The following ADARB2 variants were observed in gnomAD, a reference collection of about 807,000 sequenced individuals.
ADARB2 encodes inactive double-stranded RNA-specific editase B2.
Under a neutral mutation model 62.2 loss-of-function variants are expected in ADARB2, and 25 were observed. The observed-to-expected ratio is 0.40, with a 90% confidence interval of 0.29 to 0.56. ADARB2 has a LOEUF of 0.56. ADARB2 is among the 20% of genes least tolerant of loss of function. The pLI is 0.43. For missense variants in ADARB2, 1,071 were observed against 1,077.4 expected (o/e 0.99, Z 0.08); for synonymous variants, 572 against 500.8 (o/e 1.14, Z -1.90).
chr10:1,368,991 C>G (rs548280065), intron 2 of ADARB2, among the ~76,000 whole-genome samples: 6 of 140,890 alleles, frequency 4.3e-5, no homozygotes, highest in African/African-American at 1.6e-4. Context: ...GCGCTCTGGG[C>G]TCTGAGGCTG....
intron 2 of ADARB2, among the ~76,000 whole-genome samples, chr10:1,377,553 G>A (rs138811815): frequency 1.7e-3 from 251 of 152,078 alleles, no homozygotes; most frequent in Non-Finnish European, 2.9e-3. Flanking sequence ...ACGTGCACAT[G>A]TCTGGTGTGT....
intron 1 of ADARB2, among the ~76,000 whole-genome samples, chr10:1,454,672 G>A (rs1302284783): frequency 1.3e-5 from 2 of 151,988 alleles, no homozygotes; most frequent in African/African-American, 4.8e-5. Context: ...CTGGGGCCGG[G>A]GAGGGTAACG....
At chr10:1,446,337 C>T (rs1256789977) in intron 1 of ADARB2, among the ~76,000 whole-genome samples, 1 of 152,156 alleles carries the variant, frequency 6.6e-6, no homozygotes, top group Non-Finnish European at 1.5e-5. Context: ...CACAAATCGT[C>T]ATAGTAAGAA....
Position 1,309,791 on chromosome 10 carries a change from A to T in ADARB2, c.1078-38722T>A, listed in dbSNP as rs1285216234. Among the ~76,000 whole-genome samples the T allele has an allele frequency of 2.0e-5, 3 of 152,226 alleles. No homozygotes were observed. The East Asian group carries it at 5.8e-4, about 29-fold the overall frequency. Reference sequence around the variant, plus strand: ...CTCTGGGGTGTGGCCCATCTCCCTCATGAAGCACTGCAACCTCTCCACTTC... The same window carrying T: ...CTCTGGGGTGTGGCCCATCTCCCTCTTGAAGCACTGCAACCTCTCCACTTC... On this transcript the variant is annotated intron_variant, in intron 3 of 9. Transcript: ENST00000381312.
At chr10:1,665,218 G>A (rs887021621) in intron 1 of ADARB2, among the ~76,000 whole-genome samples, 5 of 152,190 alleles carry the variant, frequency 3.3e-5, no homozygotes, top group Non-Finnish European at 5.9e-5. Flanking sequence ...CTGGCTCCCT[G>A]GCTTATTGCC....
At chr10:1,479,702 C>T (rs928889488) in intron 1 of ADARB2, among the ~76,000 whole-genome samples, 21 of 152,052 alleles carry the variant, frequency 1.4e-4, no homozygotes, top group Admixed American at 6.5e-4. Flanking sequence ...AACACCAGGC[C>T]GGAGGTCAAT....
At chr10:1,266,511 T>TGGGGGGGGGGGGGAGGG (rs782182369) in intron 4 of ADARB2, among the ~76,000 whole-genome samples, 1 of 128,442 alleles carries the variant, frequency 7.8e-6, no homozygotes, top group Non-Finnish European at 1.6e-5. Context: ...TGGTGGGGGG[T>TGGGGGGGGGGGGGAGGG]GGGGGGGGGG....
intron 1 of ADARB2, among the ~76,000 whole-genome samples, chr10:1,686,599 A>T (rs1485157685): frequency 1.3e-5 from 2 of 151,974 alleles, no homozygotes; most frequent in Non-Finnish European, 2.9e-5. Context: ...GGGACTGTGA[A>T]CCCGCTGGGC....
intron 1 of ADARB2, among the ~76,000 whole-genome samples, chr10:1,647,668 G>A (rs1433642895): frequency 1.3e-5 from 2 of 151,510 alleles, no homozygotes; most frequent in African/African-American, 4.9e-5. Context: ...GTATATATGT[G>A]TATGTGTGTA....
intron 1 of ADARB2, among the ~76,000 whole-genome samples, chr10:1,685,607 G>GTTAGGT (rs1416818908): frequency 3.3e-5 from 5 of 152,198 alleles, no homozygotes; most frequent in Non-Finnish European, 7.3e-5. Context: ...CAAAGCCATT[G>GTTAGGT]TTAGGTTTTT....
chr10:1,708,185 C>T (rs137917229), intron 1 of ADARB2, among the ~76,000 whole-genome samples: 374 of 152,270 alleles, frequency 2.5e-3, no homozygotes, highest in African/African-American at 8.4e-3. Context: ...TCTAGTTTAA[C>T]TCGTATCTTT....
chr10:1,425,679 A>T (rs960924229), intron 1 of ADARB2, among the ~76,000 whole-genome samples: 2 of 152,142 alleles, frequency 1.3e-5, no homozygotes, highest in African/African-American at 2.4e-5. Flanking sequence ...CAACCCATAA[A>T]AACCAGCTGT....
chr10:1,329,033 G>A (rs1831903815), intron 3 of ADARB2, among the ~76,000 whole-genome samples: 1 of 146,098 alleles, frequency 6.8e-6, no homozygotes, highest in Non-Finnish European at 1.5e-5. Context: ...CAGGTCTGCA[G>A]AAGTTAGTTG....
At chr10:1,207,930 G>A (rs898169858) in intron 7 of ADARB2, among the ~76,000 whole-genome samples, 1 of 152,230 alleles carries the variant, frequency 6.6e-6, no homozygotes, top group Admixed American at 6.5e-5. Flanking sequence ...GTTGGTGAGA[G>A]TCTAGCCTGG....
intron 1 of ADARB2, among the ~76,000 whole-genome samples, chr10:1,467,417 CCTT>C (rs1164085666): frequency 1.3e-5 from 2 of 152,184 alleles, no homozygotes; most frequent in African/African-American, 4.8e-5. Context: ...CTCCCCATCT[CCTT>C]CTCAGTTTCT....
intron 1 of ADARB2, among the ~76,000 whole-genome samples, chr10:1,656,383 A>G (rs939269944): frequency 6.6e-6 from 1 of 151,944 alleles, no homozygotes; most frequent in Non-Finnish European, 1.5e-5. Flanking sequence ...TTCTGCCATG[A>G]CTCCTAGCCC....
At chr10:1,316,211 C>A (rs527887966) in intron 3 of ADARB2, among the ~76,000 whole-genome samples, 2 of 152,316 alleles carry the variant, frequency 1.3e-5, no homozygotes, top group African/African-American at 4.8e-5. Context: ...GAGTTCATTT[C>A]CCCTTCCGAG....
At chr10:1,293,065 GGGGAGAGGA>G (rs1831485519) in intron 3 of ADARB2, 1 of 107,828 alleles carries the variant, frequency 9.3e-6, no homozygotes, top group African/African-American at 4.1e-5. Flanking sequence ...GAGGGAAAGG[GGGGAGAGGA>G]GGGAGAGAAA....
In ADARB2 at chr10:1,185,053, G is replaced by A; in HGVS notation, c.1865-14C>T. 1.9e-6 allele frequency: 3 copies of A among 1,605,334 alleles called. No individual in the cohort carries two copies. Among genetic ancestry groups the A allele is most frequent in the Non-Finnish European group, 1.7e-6 (2 of 1,175,270 alleles). On this transcript the variant is annotated splice_polypyrimidine_tract_variant and intron_variant, in intron 8 of 9. Coordinates refer to ENST00000381312, the MANE Select transcript of ADARB2 (RefSeq NM_018702.4). ...CGTCACTCACGCCTGTCGGGGAGAT[G>A]GGGAAAGGCGGGCGTTAATATTCCT...
Sources: allele counts gnomAD v4.1 joint callset (sites outside exome capture counted in the v4.1 genomes callset), GRCh38; gene constraint gnomAD v4.1.1; transcripts MANE v1.5; gene names NCBI Gene and HGNC (gene_info 2026-07-23, HGNC 2026-07-21).